The following FOXO3 variants were observed in gnomAD, a reference collection of about 807,000 sequenced individuals.
FOXO3 encodes forkhead box O3.
In FOXO3, 4 loss-of-function variants were observed where a neutral mutation model predicts 41.9. The ratio of observed to expected loss-of-function variants is 0.10; its 90% CI spans 0.05 to 0.22. FOXO3 has a LOEUF of 0.22. Ranked by LOEUF, FOXO3 falls within the 10% of genes least tolerant of loss-of-function variation. The pLI, the probability that FOXO3 is intolerant of heterozygous loss-of-function variation, is 1.00. For missense variants in FOXO3, 534 were observed against 906.8 expected (o/e 0.59, Z 5.28); for synonymous variants, 318 against 389.3 (o/e 0.82, Z 2.16).
At chr6:108,640,157 G>A (rs1260680695) in intron 1 of FOXO3, among the ~76,000 whole-genome samples, 1 of 152,178 alleles carries the variant, frequency 6.6e-6, no homozygotes, top group Non-Finnish European at 1.5e-5. Flanking sequence ...TGATGGGTGT[G>A]AGGAAGAGGA....
chr6:108,607,233 C>G (rs1292830674), intron 1 of FOXO3, among the ~76,000 whole-genome samples: 1 of 152,120 alleles, frequency 6.6e-6, no homozygotes, highest in East Asian at 1.9e-4. Flanking sequence ...GGGCAGATCA[C>G]TTGAGCTCAG....
At position 108,627,335 on chromosome 6, in the gene FOXO3, C is replaced by T. The variant is rs571974271; in HGVS notation, c.622-36120C>T. 1.4e-3 allele frequency among the ~76,000 whole-genome samples: 212 copies of T among 152,192 alleles called. 8 individuals carry two copies. In the South Asian group the frequency reaches 0.044, roughly 31 times the overall value. On this transcript the variant is annotated intron_variant, in intron 1 of 2. Coordinates refer to ENST00000406360, the MANE Select transcript of FOXO3 (RefSeq NM_001455.4). ...GATCTCTTGCGTATCACACGAGACT[C>T]ATTTATTGATGACTGCCTAGCTGGC...
intron 2 of FOXO3, among the ~76,000 whole-genome samples, chr6:108,673,739 A>G (rs1770458329): frequency 6.6e-6 from 1 of 152,026 alleles, no homozygotes; most frequent in South Asian, 2.1e-4. Context: ...GCACACTCCT[A>G]TCATTCATCC....
At chr6:108,622,541 A>ATTTGT (rs1026516660) in intron 1 of FOXO3, among the ~76,000 whole-genome samples, 1 of 151,546 alleles carries the variant, frequency 6.6e-6, no homozygotes, top group South Asian at 2.1e-4. Flanking sequence ...GTTTTGTTTT[A>ATTTGT]TTTGTTTTGT....
intron 1 of FOXO3, among the ~76,000 whole-genome samples, chr6:108,628,482 T>A (rs1777874641): frequency 1.3e-5 from 2 of 152,220 alleles, no homozygotes; most frequent in Non-Finnish European, 2.9e-5. Context: ...AAAAATCTTT[T>A]TCTCCACACA....
chr6:108,624,814 G>A (rs1190336962), intron 1 of FOXO3, among the ~76,000 whole-genome samples: 3 of 151,884 alleles, frequency 2.0e-5, no homozygotes, highest in African/African-American at 4.8e-5. Context: ...TTTTTATAAA[G>A]AGTCTTGCTC....
intron 1 of FOXO3, among the ~76,000 whole-genome samples, chr6:108,577,655 G>A (rs1262219626): frequency 2.6e-5 from 4 of 152,274 alleles, no homozygotes; most frequent in South Asian, 4.1e-4. Flanking sequence ...AGCTTCCCAC[G>A]TGGTGATAAT....
In FOXO3 at chr6:108,561,784, C is replaced by G. The variant is rs142429317; in HGVS notation, c.576C>G (p.Pro192=). 3 of 1,599,838 alleles carry G rather than the reference C, an allele frequency of 1.9e-6. No individual in the cohort carries two copies. Among genetic ancestry groups the G allele is most frequent in the African/African-American group, 2.7e-5 (2 of 73,380 alleles). ...ACGAGTGGATGGTGCGTTGCGTGCC[C>G]TACTTCAAGGATAAGGGCGACAGCA... is the stretch of plus-strand genomic sequence containing the variant. ...QIYEWMVRCV[P]YFKDKGDSNS... The change falls in exon 1 of 3, where the codon CCC becomes CCG. Residue 192 remains proline (P), a synonymous_variant. Coordinates refer to ENST00000406360, the MANE Select transcript of FOXO3 (RefSeq NM_001455.4).
At chr6:108,589,117 C>T (rs1035186694) in intron 1 of FOXO3, among the ~76,000 whole-genome samples, 1 of 152,168 alleles carries the variant, frequency 6.6e-6, no homozygotes, top group Non-Finnish European at 1.5e-5. Flanking sequence ...TCATGGAGTC[C>T]TGTGGACTGT....
chr6:108,648,041 G>T (rs1021740048), intron 1 of FOXO3, among the ~76,000 whole-genome samples: 1 of 152,142 alleles, frequency 6.6e-6, no homozygotes, highest in African/African-American at 2.4e-5. Flanking sequence ...CTACATTCAC[G>T]ACACTTTACA....
Position 108,664,267 on chromosome 6 carries a change from A to G in FOXO3, c.1434A>G (p.Ser478=). The stretch of plus-strand genomic sequence containing the variant: ...TCCAGGACCTGCTCACTTCGGACTC[A>G]CTTAGCCACAGCGATGTCATGATGA... ...QTLQDLLTSD[S]LSHSDVMMTQ... is the part of the protein sequence containing the mutation. The change falls in exon 2 of 3, where the codon TCA becomes TCG. Residue 478 remains serine, a synonymous_variant. Transcript: ENST00000406360. 1 of 1,604,746 alleles carries G rather than the reference A, an allele frequency of 6.2e-7. No homozygotes were observed. Among genetic ancestry groups the G allele is most frequent in the Non-Finnish European group, 8.5e-7 (1 of 1,172,624 alleles).
chr6:108,624,282 A>G (rs1387848561), intron 1 of FOXO3, among the ~76,000 whole-genome samples: 1 of 151,928 alleles, frequency 6.6e-6, no homozygotes, highest in African/African-American at 2.4e-5. Flanking sequence ...GCTTCTTCAG[A>G]TGAGACATTT....
chr6:108,626,725 T>G (rs905840246), intron 1 of FOXO3, among the ~76,000 whole-genome samples: 11 of 152,224 alleles, frequency 7.2e-5, no homozygotes, highest in African/African-American at 2.7e-4. Context: ...GTTCCCTAGT[T>G]GGCCATGCCA....
intron 1 of FOXO3, among the ~76,000 whole-genome samples, chr6:108,574,836 G>A (rs1776217630): frequency 6.6e-6 from 1 of 152,186 alleles, no homozygotes; most frequent in African/African-American, 2.4e-5. Context: ...TTCTGTGTAT[G>A]TTGGAAAAAA....
In FOXO3 at chr6:108,641,361, A is replaced by G. The variant is rs752508014; in HGVS notation, c.622-22094A>G. Among the ~76,000 whole-genome samples the G allele has an allele frequency of 3.9e-4, 59 of 152,164 alleles. 1 individual carries two copies. The highest frequency in any genetic ancestry group is 6.6e-4 in the Non-Finnish European group (45 of 68,020). ...TTACTAGTGCTTTTGAAAGAAATCA[A>G]TTTAGTAAATTTGGCACATTGAATG... On this transcript the variant is annotated intron_variant, in intron 1 of 2. Transcript: ENST00000406360.
At chr6:108,649,792 C>G (rs1043770366) in intron 1 of FOXO3, among the ~76,000 whole-genome samples, 2 of 152,100 alleles carry the variant, frequency 1.3e-5, no homozygotes, top group African/African-American at 4.8e-5. Flanking sequence ...GAGCTTGTGT[C>G]TAGAGAAACA....
chr6:108,679,696 C>G (rs1770770448), intron 2 of FOXO3, 131 bp from the exon 3 acceptor site: 1 of 154,412 alleles, frequency 6.5e-6, no homozygotes, highest in Non-Finnish European at 1.5e-5. Flanking sequence ...AGCAGAGCAG[C>G]TTTGCTGTGC....
At chr6:108,661,531 A>G (rs949149927) in intron 1 of FOXO3, among the ~76,000 whole-genome samples, 3 of 152,146 alleles carry the variant, frequency 2.0e-5, no homozygotes, top group South Asian at 2.1e-4. Context: ...GCTGCAGGCC[A>G]TGAACTCTCT....
At chr6:108,644,433 G>A (rs557955671) in intron 1 of FOXO3, among the ~76,000 whole-genome samples, 2 of 152,272 alleles carry the variant, frequency 1.3e-5, no homozygotes, top group South Asian at 4.2e-4. Context: ...TGTTGCCAAG[G>A]CAACTAGTGA....
Sources: allele counts gnomAD v4.1 joint callset (sites outside exome capture counted in the v4.1 genomes callset), GRCh38; gene constraint gnomAD v4.1.1; transcripts MANE v1.5; gene names NCBI Gene and HGNC (gene_info 2026-07-23, HGNC 2026-07-21).